The following SORCS1 variants were observed in gnomAD, a reference collection of about 807,000 sequenced individuals.
The protein encoded by SORCS1 is VPS10 domain-containing receptor SorCS1.
Under a neutral mutation model 146.1 loss-of-function variants are expected in SORCS1, and 60 were observed. The ratio of observed to expected loss-of-function variants is 0.41; its 90% CI spans 0.33 to 0.51. SORCS1 has a LOEUF of 0.51. Among genes scored for constraint, SORCS1 ranks in the 20% least tolerant of loss-of-function variants. The pLI is 0.21. For missense variants in SORCS1, 1,352 were observed against 1,487.6 expected (o/e 0.91, Z 1.50); for synonymous variants, 637 against 584.0 (o/e 1.09, Z -1.31).
In SORCS1 at chr10:107,118,659, A is replaced by T. The variant is rs142523452; in HGVS notation, c.558+45310T>A. Among the ~76,000 whole-genome samples, 422 of 152,316 alleles carry T rather than the reference A, an allele frequency of 2.8e-3. 3 individuals carry two copies. The highest frequency in any genetic ancestry group is 9.6e-3 in the African/African-American group (401 of 41,570). On this transcript the variant is annotated intron_variant, in intron 1 of 25. Coordinates refer to ENST00000263054, the MANE Select transcript of SORCS1 (RefSeq NM_052918.5). ...ATGAATTGATATCTAGGTAAATAAT[A>T]TCTATTCAGGTCTTTGCACCCTTAT...
intron 1 of SORCS1, among the ~76,000 whole-genome samples, chr10:107,037,445 A>G (rs2133968188): frequency 6.6e-6 from 1 of 152,340 alleles, no homozygotes; most frequent in East Asian, 1.9e-4. Context: ...ATAGCTTAAT[A>G]AGAATCAAAC....
At chr10:106,597,981 T>A (rs1372349444) in intron 23 of SORCS1, among the ~76,000 whole-genome samples, 1 of 152,140 alleles carries the variant, frequency 6.6e-6, no homozygotes, top group Non-Finnish European at 1.5e-5. Flanking sequence ...ATTTCATGCT[T>A]ATAAATATTA....
At chr10:106,617,233 G>A (rs1847431908) in intron 21 of SORCS1, among the ~76,000 whole-genome samples, 1 of 152,006 alleles carries the variant, frequency 6.6e-6, no homozygotes. Context: ...GATTACAGAA[G>A]TGAGCCGCCG....
At chr10:106,670,137 A>G (rs1302058646) in intron 16 of SORCS1, among the ~76,000 whole-genome samples, 8 of 152,250 alleles carry the variant, frequency 5.3e-5, no homozygotes, top group African/African-American at 1.9e-4. Flanking sequence ...GAATACATGA[A>G]AACCAAAAAG....
chr10:107,036,588 T>G (rs1289943725), intron 1 of SORCS1, among the ~76,000 whole-genome samples: 1 of 152,142 alleles, frequency 6.6e-6, no homozygotes, highest in Non-Finnish European at 1.5e-5. Flanking sequence ...GCTATTTGGG[T>G]TGATTGGCCC....
intron 5 of SORCS1, among the ~76,000 whole-genome samples, chr10:106,761,021 C>A (rs1859068480): frequency 6.6e-6 from 1 of 151,924 alleles, no homozygotes; most frequent in Non-Finnish European, 1.5e-5. Flanking sequence ...GAAGGGGAAT[C>A]ATTTGAACAA....
intron 1 of SORCS1, among the ~76,000 whole-genome samples, chr10:106,989,303 C>T (rs1163735755): frequency 8.9e-6 from 1 of 112,348 alleles, no homozygotes; most frequent in Non-Finnish European, 2.0e-5. Flanking sequence ...AAAAAGAATA[C>T]TCCAATGCCT....
intron 5 of SORCS1, among the ~76,000 whole-genome samples, chr10:106,750,324 G>A (rs13376819): frequency 0.2 from 31,001 of 151,908 alleles, 3,753 homozygotes; most frequent in East Asian, 0.48. Flanking sequence ...ACAGGAATCA[G>A]TGATGGCCAT....
chr10:106,610,196 G>A (rs1251285977), intron 22 of SORCS1, among the ~76,000 whole-genome samples: 1 of 151,906 alleles, frequency 6.6e-6, no homozygotes, highest in Non-Finnish European at 1.5e-5. Flanking sequence ...CTTTACCCCA[G>A]TATTCCATCT....
At chr10:106,798,139 C>G (rs764088647) in intron 3 of SORCS1, among the ~76,000 whole-genome samples, 2 of 152,218 alleles carry the variant, frequency 1.3e-5, no homozygotes, top group Non-Finnish European at 2.9e-5. Context: ...GATCTGATGG[C>G]TTTATAAGGC....
chr10:106,916,364 T>G (rs1045494770), intron 2 of SORCS1, among the ~76,000 whole-genome samples: 1 of 151,762 alleles, frequency 6.6e-6, no homozygotes, highest in African/African-American at 2.4e-5. Flanking sequence ...TTTTCCATTA[T>G]ACTATTGGCT....
At chr10:106,781,517 A>C (rs1296765887) in intron 3 of SORCS1, among the ~76,000 whole-genome samples, 1 of 152,206 alleles carries the variant, frequency 6.6e-6, no homozygotes, top group Non-Finnish European at 1.5e-5. Context: ...ACAACAGCAA[A>C]GAAAAACAGC....
chr10:107,169,631 A>G (rs1394126911), upstream of SORCS1, among the ~76,000 whole-genome samples: 1 of 152,162 alleles, frequency 6.6e-6, no homozygotes, highest in Non-Finnish European at 1.5e-5. Context: ...ACCTCTAAAC[A>G]GTTTTTGTTT....
chr10:106,967,771 G>C (rs1309955736), intron 1 of SORCS1, among the ~76,000 whole-genome samples: 5 of 152,082 alleles, frequency 3.3e-5, no homozygotes, highest in Non-Finnish European at 7.4e-5. Flanking sequence ...CCTTCTTTAA[G>C]CTAGTACCTA....
intron 2 of SORCS1, among the ~76,000 whole-genome samples, chr10:106,885,799 C>G (rs1444307055): frequency 1.3e-5 from 2 of 152,142 alleles, no homozygotes; most frequent in Non-Finnish European, 2.9e-5. Flanking sequence ...TTCCCCCATA[C>G]TGCTCTCATG....
intron 2 of SORCS1, among the ~76,000 whole-genome samples, chr10:106,926,357 G>A (rs532485120): frequency 6.6e-6 from 1 of 152,122 alleles, no homozygotes; most frequent in South Asian, 2.1e-4. Context: ...AGTTTTAATA[G>A]TAGCTTGCTT....
At chr10:107,069,679 G>A (rs1962252499) in intron 1 of SORCS1, among the ~76,000 whole-genome samples, 1 of 152,102 alleles carries the variant, frequency 6.6e-6, no homozygotes. Flanking sequence ...CCTGGCCCAT[G>A]TGCCTATTTT....
chr10:107,027,205 A>C (rs1958447348), intron 1 of SORCS1, among the ~76,000 whole-genome samples: 1 of 151,928 alleles, frequency 6.6e-6, no homozygotes, highest in Admixed American at 6.6e-5. Flanking sequence ...TTAAAATAGA[A>C]TCAGGGGATG....
At chr10:106,775,273 C>T (rs1295921438) in intron 4 of SORCS1, among the ~76,000 whole-genome samples, 1 of 152,208 alleles carries the variant, frequency 6.6e-6, no homozygotes, top group Non-Finnish European at 1.5e-5. Context: ...GGCTTCGCCT[C>T]TGTTAATTGC....
Sources: gnomAD v4.1 joint callset for allele counts (sites outside exome capture counted in the v4.1 genomes callset) on GRCh38, gnomAD v4.1.1 for gene constraint, MANE v1.5 for transcripts, NCBI Gene and HGNC (gene_info 2026-07-23, HGNC 2026-07-21) for gene names.